Variants in ERC2 observed in about 807,000 individuals in gnomAD.
ERC2 encodes the protein ELKS/RAB6-interacting/CAST family member 2, also known as ERC protein 2.
ERC2 carries 42 observed loss-of-function variants against 114.8 expected under a neutral mutation model. That is an observed-to-expected ratio of 0.37 (90% CI 0.29 to 0.47). The LOEUF is 0.47. ERC2 is among the 20% of genes least tolerant of loss of function. ERC2 has a pLI of 0.99. For synonymous variants in ERC2, 454 were observed against 425.5 expected (o/e 1.07, Z -0.82); for missense variants, 939 against 1,150.7 (o/e 0.82, Z 2.66).
chr3:56,115,608 A>G (rs2079185524), intron 6 of ERC2, among the ~76,000 whole-genome samples: 1 of 152,168 alleles, frequency 6.6e-6, no homozygotes, highest in South Asian at 2.1e-4. Context: ...CATATATATC[A>G]CAGGTTCTTT....
chr3:55,709,587 G>A (rs2063666008), intron 15 of ERC2, among the ~76,000 whole-genome samples: 1 of 152,180 alleles, frequency 6.6e-6, no homozygotes, highest in African/African-American at 2.4e-5. Context: ...TGGGAGGACG[G>A]AAGGACGCTC....
chr3:55,807,961 C>T (rs1272020392), intron 14 of ERC2, among the ~76,000 whole-genome samples: 1 of 152,186 alleles, frequency 6.6e-6, no homozygotes, highest in African/African-American at 2.4e-5. Context: ...CTGGAGGGAG[C>T]TCATGCTTTA....
In ERC2 at chr3:56,234,923, T is replaced by G. The variant is rs545533954; in HGVS notation, c.1074+61096A>C. ...CACTGGGAATCAAGTTTCCAACACA[T>G]AAATTTAGGGGGACACATTCAAACC... On this transcript the variant is annotated intron_variant, in intron 3 of 17. Transcript: ENST00000288221. Among the ~76,000 whole-genome samples the G allele has an allele frequency of 2.0e-5, 3 of 152,266 alleles. No homozygotes were observed. In the East Asian group the frequency reaches 5.8e-4, roughly 29 times the overall value.
chr3:55,651,287 T>C (rs535879755), intron 17 of ERC2, among the ~76,000 whole-genome samples: 2 of 152,244 alleles, frequency 1.3e-5, no homozygotes, highest in South Asian at 4.1e-4. Flanking sequence ...CCACAGTGCT[T>C]AGAGAATTAA....
rs577687967 is a variant in ERC2, at chr3:56,215,100, C to T, written c.1075-41580G>A. Among the ~76,000 whole-genome samples the T allele has an allele frequency of 6.5e-4, 99 of 152,222 alleles. 1 individual carries two copies. The highest frequency in any genetic ancestry group is 2.1e-3 in the African/African-American group (87 of 41,548). On this transcript the variant is annotated intron_variant, in intron 3 of 17. Transcript: ENST00000288221. ...CTGCATCAACTAACGAGCAAAATAACGAGCTAACATCATAATGACAGGATC... is the reference window on the plus strand; with the variant it reads ...CTGCATCAACTAACGAGCAAAATAATGAGCTAACATCATAATGACAGGATC...
intron 2 of ERC2, among the ~76,000 whole-genome samples, chr3:56,310,854 T>C (rs915509486): frequency 6.6e-6 from 1 of 151,966 alleles, no homozygotes; most frequent in Non-Finnish European, 1.5e-5. Context: ...TGTAGTCACA[T>C]GAAGGTGTGA....
Position 55,835,917 on chromosome 3 carries a change from A to G in ERC2, c.2564+52472T>C, listed in dbSNP as rs565725615. 8.5e-3 allele frequency among the ~76,000 whole-genome samples: 1,289 copies of G among 151,778 alleles called. 11 individuals carry two copies. Among genetic ancestry groups the G allele is most frequent in the African/African-American group, 0.03 (1,244 of 41,180 alleles). ...AACTTCAGCAAAGTCTCAGGATACA[A>G]AATCAATGTACAAAAATCACAAGCA... On this transcript the variant is annotated intron_variant, in intron 14 of 17. Coordinates refer to ENST00000288221, the MANE Select transcript of ERC2 (RefSeq NM_015576.3).
chr3:55,586,554 T>C (rs1300058884), intron 17 of ERC2, among the ~76,000 whole-genome samples: 1 of 152,216 alleles, frequency 6.6e-6, no homozygotes, highest in Non-Finnish European at 1.5e-5. Flanking sequence ...ATAACTGTCA[T>C]TTCCAACTGT....
intron 2 of ERC2, among the ~76,000 whole-genome samples, chr3:56,391,670 T>C (rs2060133259): frequency 6.6e-6 from 1 of 152,000 alleles, no homozygotes; most frequent in Non-Finnish European, 1.5e-5. Context: ...GAAAAATGAG[T>C]TTTAATTATA....
chr3:56,445,202 CCA>C (rs1158484443), intron 1 of ERC2, among the ~76,000 whole-genome samples: 2 of 152,160 alleles, frequency 1.3e-5, no homozygotes, highest in African/African-American at 4.8e-5. Flanking sequence ...CTCCAGTTTG[CCA>C]CAGTCTCCTC....
intron 14 of ERC2, among the ~76,000 whole-genome samples, chr3:55,819,818 C>A (rs998748192): frequency 6.6e-6 from 1 of 152,338 alleles, no homozygotes; most frequent in East Asian, 1.9e-4. Context: ...CCAACTCAAA[C>A]CTGGGAAACA....
chr3:56,103,369 C>G (rs2078465368), intron 6 of ERC2, among the ~76,000 whole-genome samples: 1 of 152,040 alleles, frequency 6.6e-6, no homozygotes, highest in Non-Finnish European at 1.5e-5. Flanking sequence ...ATCAAATATG[C>G]CCGCGAGAAG....
chr3:56,433,602 A>G (rs192275232), intron 2 of ERC2, among the ~76,000 whole-genome samples: 199 of 152,376 alleles, frequency 1.3e-3, no homozygotes, highest in Non-Finnish European at 1.9e-3. Flanking sequence ...TCAGTCAAGA[A>G]GGTAGACTTT....
intron 17 of ERC2, among the ~76,000 whole-genome samples, chr3:55,652,880 AAAAC>A (rs1419965207): frequency 2.0e-5 from 3 of 151,824 alleles, no homozygotes; most frequent in African/African-American, 7.3e-5. Context: ...AAAAAAAAAA[AAAAC>A]CAATACATGT....
chr3:55,942,519 G>C (rs988100529), intron 13 of ERC2, among the ~76,000 whole-genome samples: 1 of 149,442 alleles, frequency 6.7e-6, no homozygotes, highest in African/African-American at 2.5e-5. Flanking sequence ...GGATGGTCTC[G>C]ATCTCCTGAC....
intron 13 of ERC2, among the ~76,000 whole-genome samples, chr3:55,914,533 C>T (rs2064989455): frequency 6.6e-6 from 1 of 152,140 alleles, no homozygotes; most frequent in Admixed American, 6.5e-5. Flanking sequence ...GATACACATA[C>T]AACTTGATTC....
At chr3:55,610,093 C>A (rs2058838101) in intron 17 of ERC2, among the ~76,000 whole-genome samples, 2 of 145,286 alleles carry the variant, frequency 1.4e-5, no homozygotes, top group Admixed American at 6.9e-5. Context: ...AACAAGAATT[C>A]CTCTAATTTA....
intron 3 of ERC2, among the ~76,000 whole-genome samples, chr3:56,284,974 A>G (rs776130724): frequency 1.1e-4 from 14 of 130,464 alleles, no homozygotes; most frequent in Admixed American, 3.0e-4. Context: ...GTCTCTATCA[A>G]TCTCAATCAC....
intron 3 of ERC2, among the ~76,000 whole-genome samples, chr3:56,259,294 T>C (rs1337843488): frequency 1.3e-5 from 2 of 152,222 alleles, no homozygotes; most frequent in Non-Finnish European, 2.9e-5. Context: ...TTTTTCTTTA[T>C]AAATCATGAT....
Sources: gnomAD v4.1 joint callset for allele counts (sites outside exome capture counted in the v4.1 genomes callset) on GRCh38, gnomAD v4.1.1 for gene constraint, MANE v1.5 for transcripts, NCBI Gene and HGNC (gene_info 2026-07-23, HGNC 2026-07-21) for gene names.